SLC18A1: variants seen among roughly 807,000 people sequenced by gnomAD.
SLC18A1 encodes the protein chromaffin granule amine transporter.
Under a neutral mutation model 53.7 loss-of-function variants are expected in SLC18A1, and 69 were observed. That is an observed-to-expected ratio of 1.28 (90% CI 1.06 to 1.57). SLC18A1 has a LOEUF of 1.57. Among genes scored for constraint, SLC18A1 ranks in the 40% most tolerant of loss-of-function variants. The pLI is 0.00. For missense variants in SLC18A1, 932 were observed against 668.1 expected (o/e 1.40, Z -4.35); for synonymous variants, 320 against 248.1 (o/e 1.29, Z -2.72).
chr8:20,164,958 A>G lies in SLC18A1; in HGVS notation c.926T>C (p.Ile309Thr), dbSNP rs755023383. 4 of 1,613,816 alleles carry G rather than the reference A, an allele frequency of 2.5e-6. No individual in the cohort carries two copies. The highest frequency in any genetic ancestry group is 1.3e-5 in the African/African-American group (1 of 74,894). The change falls in exon 10 of 16, where the codon ATC becomes ACC. Residue 309 changes from isoleucine to threonine, a missense_variant. Ile to Thr is a moderately conservative substitution (Grantham distance 89). Coordinates refer to ENST00000276373, the MANE Select transcript of SLC18A1 (RefSeq NM_003053.4). ...DPYILVAAGS[I>T]CFANMGVAIL... Reference sequence around the variant, plus strand: ...GGCCACCCCCATGTTGGCAAAGCAGATGGACCCTGGGGAGACTGTTCTGTG... The same window carrying G: ...GGCCACCCCCATGTTGGCAAAGCAGGTGGACCCTGGGGAGACTGTTCTGTG...
chr8:20,150,468 C>G (rs1409200121), intron 11 of SLC18A1, among the ~76,000 whole-genome samples, 198 bp downstream of exon 11: 1 of 152,220 alleles, frequency 6.6e-6, no homozygotes, highest in Non-Finnish European at 1.5e-5. Flanking sequence ...ACAATCAGCT[C>G]AGAGCTCAGG....
intron 8 of SLC18A1, 104 bp downstream of exon 8, chr8:20,170,999 C>T: frequency 1.8e-6 from 2 of 1,135,446 alleles, no homozygotes; most frequent in Non-Finnish European, 1.3e-6. Context: ...TTCGCTGACC[C>T]TATTCCTCTT....
At position 20,179,461 on chromosome 8, in the gene SLC18A1, A is replaced by G. The variant is rs778611134; in HGVS notation, c.148T>C (p.Tyr50His). 1.2e-6 allele frequency: 2 copies of G among 1,612,336 alleles called. No homozygotes were observed. The highest frequency in any genetic ancestry group is 1.7e-6 in the Non-Finnish European group (2 of 1,179,104). ...TTGACTTCTTTGAACTCCATGTCAT[A>G]TAGGAAGGTGGGCACAATTGGCACT... ...VVVPIVPTFL[Y>H]DMEFKEVNSS... is the part of the protein sequence containing the mutation. The change falls in exon 3 of 16, where the codon TAT (tyrosine) becomes CAT (histidine). Residue 50 changes from tyrosine (Y) to histidine (H), a missense_variant. Tyr to His is a moderately conservative substitution (Grantham distance 83). Transcript: ENST00000276373.
rs375607372 is a variant in SLC18A1, at chr8:20,165,243, C to T, written c.859-136G>A. ...TCCTTTACTGCAGAGACCAGGAACC[C>T]CAGTACAGGGAGAGAAAGTGACTTG... On this transcript the variant is annotated intron_variant, in intron 8 of 15. Transcript: ENST00000276373. 2.8e-5 allele frequency: 21 copies of T among 749,268 alleles called. No homozygotes were observed. The African/African-American group carries it at 3.3e-4, about 12-fold the overall frequency. 46.4% of individuals were successfully genotyped at this position (749,268 alleles called of 1,614,324 possible).
chr8:20,154,480 A>T (rs2071634231), intron 10 of SLC18A1, among the ~76,000 whole-genome samples: 1 of 152,220 alleles, frequency 6.6e-6, no homozygotes, highest in African/African-American at 2.4e-5. Flanking sequence ...TGACATTCAA[A>T]GGAGCTGAGA....
intron 10 of SLC18A1, 192 bp from the exon 11 acceptor site, chr8:20,150,936 G>C (rs997512157): frequency 8.5e-6 from 5 of 589,060 alleles, no homozygotes; most frequent in Admixed American, 2.9e-5. Context: ...CTTTCTTCAG[G>C]AGCAAGGCTT....
Position 20,145,855 on chromosome 8 carries a change from G to T in SLC18A1, c.1486C>A (p.Pro496Thr), listed in dbSNP as rs1246463412. Reference sequence around the variant, plus strand: ...GTTGCATACATCCGGGTCTCCATGGGGCAGTCCTGACTCAGAATAGCCTGC... The same window carrying T: ...GTTGCATACATCCGGGTCTCCATGGTGCAGTCCTGACTCAGAATAGCCTGC... ...EKLAILSQDC[P>T]METRMYATQK... is the part of the protein sequence containing the mutation. Residue 496 changes from proline to threonine, a missense_variant, in exon 16 of 16, where the codon CCC becomes ACC. Pro to Thr is a conservative substitution (Grantham distance 38). Coordinates refer to ENST00000276373, the MANE Select transcript of SLC18A1 (RefSeq NM_003053.4). 8.7e-6 allele frequency: 14 copies of T among 1,609,718 alleles called. No individual in the cohort carries two copies. Among genetic ancestry groups the T allele is most frequent in the Non-Finnish European group, 1.2e-5 (14 of 1,177,812 alleles).
Position 20,148,075 on chromosome 8 carries a change from A to G in SLC18A1, c.1147-5T>C, listed in dbSNP as rs571411618. 2.5e-6 allele frequency: 4 copies of G among 1,614,070 alleles called. No individual in the cohort carries two copies. Among genetic ancestry groups the G allele is most frequent in the Non-Finnish European group, 3.4e-6 (4 of 1,179,922 alleles). On this transcript the variant is annotated splice_region_variant and splice_polypyrimidine_tract_variant and intron_variant, in intron 12 of 15. Transcript: ENST00000276373. ...AATATTGTGAGCCAGAGGAACCTGC[A>G]TGGGGAAGGAGGAAGAGTCATCAGG...
Position 20,178,112 on chromosome 8 carries a change from G to A in SLC18A1, c.547+323C>T, listed in dbSNP as rs573150585. Among the ~76,000 whole-genome samples, 3 of 110,790 alleles carry A rather than the reference G, an allele frequency of 2.7e-5. No individual in the cohort carries two copies. In the East Asian group the frequency reaches 8.2e-4, roughly 30 times the overall value. The allele number at this position is 110,790 out of a possible 152,430, so 72.7% of individuals were successfully genotyped here. ...TATTAAACTTGCTCAAGGGATTACT[G>A]ATGCATATAACACACACACACACAC... On this transcript the variant is annotated intron_variant, in intron 4 of 15. Coordinates refer to ENST00000276373, the MANE Select transcript of SLC18A1 (RefSeq NM_003053.4).
intron 10 of SLC18A1, among the ~76,000 whole-genome samples, chr8:20,154,005 G>A (rs1030503405): frequency 3.3e-5 from 5 of 152,128 alleles, no homozygotes; most frequent in African/African-American, 7.2e-5. Context: ...CCATCCTCAC[G>A]GTAATGAGTG....
intron 5 of SLC18A1, among the ~76,000 whole-genome samples, chr8:20,173,895 C>CTTTT (rs72376505): frequency 8.1e-4 from 110 of 135,646 alleles, no homozygotes; most frequent in African/African-American, 3.0e-3. Context: ...TAATTCCTTT[C>CTTTT]TTTTTTTTTT....
At chr8:20,168,733 A>T (rs2072036451) in intron 8 of SLC18A1, among the ~76,000 whole-genome samples, 1 of 152,080 alleles carries the variant, frequency 6.6e-6, no homozygotes, top group Non-Finnish European at 1.5e-5. Flanking sequence ...ATGCCCAGCT[A>T]ATTTTTTTGT....
At chr8:20,166,393 A>G (rs67496939) in intron 8 of SLC18A1, among the ~76,000 whole-genome samples, 37,690 of 143,616 alleles carry the variant, frequency 0.26, 6,293 homozygotes, top group Non-Finnish European at 0.37. Flanking sequence ...TTTTCAGGAC[A>G]TATTATTGAG....
chr8:20,161,747 G>A (rs566714861), intron 10 of SLC18A1, among the ~76,000 whole-genome samples: 2 of 152,360 alleles, frequency 1.3e-5, no homozygotes, highest in Non-Finnish European at 2.9e-5. Context: ...ATGTCTTAAA[G>A]CTGGAGAATA....
intron 4 of SLC18A1, chr8:20,175,801 T>G (rs2072238094): frequency 1.3e-5 from 2 of 152,140 alleles, no homozygotes. Flanking sequence ...TCCCATTACT[T>G]CCCGGCAGAC....
chr8:20,174,190 G>A (rs971676199), intron 5 of SLC18A1, among the ~76,000 whole-genome samples, 171 bp downstream of exon 5: 4 of 152,058 alleles, frequency 2.6e-5, no homozygotes, highest in Non-Finnish European at 5.9e-5. Context: ...AGGGGTTACA[G>A]GTGTGAGCCA....
intron 5 of SLC18A1, among the ~76,000 whole-genome samples, chr8:20,173,599 T>C (rs1229744559): frequency 3.3e-5 from 5 of 152,214 alleles, no homozygotes; most frequent in Non-Finnish European, 2.9e-5. Context: ...CCTTCATAGC[T>C]ATGGGTAAAA....
chr8:20,157,194 T>C (rs1197933065), intron 10 of SLC18A1, among the ~76,000 whole-genome samples: 2 of 152,144 alleles, frequency 1.3e-5, no homozygotes, highest in Admixed American at 6.5e-5. Context: ...ATGTTCTTTT[T>C]TCAGATGGGA....
chr8:20,165,497 C>T (rs1408708318), intron 8 of SLC18A1, among the ~76,000 whole-genome samples: 1 of 152,188 alleles, frequency 6.6e-6, no homozygotes, highest in African/African-American at 2.4e-5. Context: ...GGGAGAACCA[C>T]AGGCAGAGCA....
Sources: gnomAD v4.1 joint callset for allele counts (sites outside exome capture counted in the v4.1 genomes callset) on GRCh38, gnomAD v4.1.1 for gene constraint, MANE v1.5 for transcripts, NCBI Gene and HGNC (gene_info 2026-07-23, HGNC 2026-07-21) for gene names.